The following LRRC7 variants were observed in gnomAD, a reference collection of about 807,000 sequenced individuals.
LRRC7 encodes the protein leucine rich repeat containing 7, also known as leucine-rich repeat-containing protein 7.
LRRC7 carries 23 observed loss-of-function variants against 175.7 expected under a neutral mutation model. The ratio of observed to expected loss-of-function variants is 0.13; its 90% CI spans 0.09 to 0.19. The LOEUF (loss-of-function observed/expected upper bound fraction) is 0.19, where lower values mean the gene tolerates loss of function less well. Ranked by LOEUF, LRRC7 falls within the 10% of genes least tolerant of loss-of-function variation. LRRC7 has a pLI of 1.00. For missense variants in LRRC7, 1,354 were observed against 1,904.7 expected, an observed-to-expected ratio of 0.71 and a Z score of 5.38; for synonymous variants, 685 against 680.9, an observed-to-expected ratio of 1.01 and a Z score of -0.09.
chr1:69,631,420 A>C (rs1773350), intron 1 of LRRC7, among the ~76,000 whole-genome samples: 19,488 of 152,036 alleles, frequency 0.13, 1,591 homozygotes, highest in South Asian at 0.19. Context: ...GCCATAGGAC[A>C]GCATCTCTCC....
At chr1:69,876,360 G>A (rs529978333) in intron 7 of LRRC7, among the ~76,000 whole-genome samples, 1 of 152,228 alleles carries the variant, frequency 6.6e-6, no homozygotes, top group East Asian at 1.9e-4. Context: ...GGCATAGTCA[G>A]TTTTATTTGT....
chr1:70,113,781 A>G (rs1665669411), intron 26 of LRRC7, among the ~76,000 whole-genome samples: 1 of 152,128 alleles, frequency 6.6e-6, no homozygotes, highest in African/African-American at 2.4e-5. Flanking sequence ...TTCATACTCT[A>G]TCCCTTGTTT....
intron 23 of LRRC7, among the ~76,000 whole-genome samples, chr1:70,062,397 T>C (rs981953020): frequency 6.6e-6 from 1 of 152,172 alleles, no homozygotes; most frequent in East Asian, 1.9e-4. Flanking sequence ...ATATACTCTT[T>C]TAAAACATAT....
intron 23 of LRRC7, among the ~76,000 whole-genome samples, chr1:70,057,875 T>C (rs1418337115): frequency 1.3e-5 from 2 of 152,082 alleles, no homozygotes; most frequent in Admixed American, 6.6e-5. Flanking sequence ...GTATCTATTG[T>C]CCCTGTCCTG....
intron 7 of LRRC7, among the ~76,000 whole-genome samples, chr1:69,928,856 T>G (rs753602702): frequency 6.6e-6 from 1 of 152,202 alleles, no homozygotes; most frequent in Non-Finnish European, 1.5e-5. Flanking sequence ...TGGGATGACC[T>G]TGGTACCTCA....
chr1:70,026,516 C>G (rs745725880), intron 17 of LRRC7, among the ~76,000 whole-genome samples: 44 of 152,116 alleles, frequency 2.9e-4, no homozygotes, highest in Non-Finnish European at 4.9e-4. Flanking sequence ...TCATATCATT[C>G]CTTTTATGTT....
At chr1:69,926,166 C>A (rs1647065889) in intron 7 of LRRC7, among the ~76,000 whole-genome samples, 1 of 147,332 alleles carries the variant, frequency 6.8e-6, no homozygotes, top group Non-Finnish European at 1.5e-5. Flanking sequence ...GTCTGAGAGA[C>A]AGTTTGTTAT....
intron 4 of LRRC7, among the ~76,000 whole-genome samples, chr1:69,803,123 G>T (rs540427810): frequency 6.6e-6 from 1 of 151,166 alleles, no homozygotes; most frequent in Non-Finnish European, 1.5e-5. Flanking sequence ...CTTATTTGCC[G>T]ATTCCTGTGC....
intron 2 of LRRC7, among the ~76,000 whole-genome samples, chr1:69,705,181 A>C (rs560918055): frequency 6.6e-6 from 1 of 152,290 alleles, no homozygotes; most frequent in East Asian, 1.9e-4. Context: ...CAGTGTTTAC[A>C]ACAACAAAAG....
intron 2 of LRRC7, among the ~76,000 whole-genome samples, chr1:69,721,334 C>T (rs1386192350): frequency 2.0e-5 from 3 of 151,958 alleles, no homozygotes; most frequent in African/African-American, 4.8e-5. Context: ...TAGTATAATA[C>T]GGAATAGTTT....
intron 1 of LRRC7, among the ~76,000 whole-genome samples, chr1:69,659,604 A>G (rs1290227277): frequency 2.6e-5 from 4 of 151,986 alleles, no homozygotes; most frequent in Admixed American, 2.6e-4. Context: ...GAATACAACC[A>G]TATACATTTA....
At chr1:69,911,669 G>A (rs1288456740) in intron 7 of LRRC7, among the ~76,000 whole-genome samples, 1 of 152,180 alleles carries the variant, frequency 6.6e-6, no homozygotes. Context: ...AAATTTGGAT[G>A]ATGACTATAT....
At chr1:70,073,953 C>A (rs980555802) in intron 23 of LRRC7, among the ~76,000 whole-genome samples, 2 of 152,220 alleles carry the variant, frequency 1.3e-5, no homozygotes, top group Non-Finnish European at 2.9e-5. Flanking sequence ...GTAATCCCAG[C>A]ACTTTGAGAG....
chr1:69,887,697 T>C (rs1303090721), intron 7 of LRRC7, among the ~76,000 whole-genome samples: 8 of 151,434 alleles, frequency 5.3e-5, no homozygotes, highest in Non-Finnish European at 7.4e-5. Context: ...AGGCACTCTG[T>C]GTTTTAGAGT....
chr1:69,916,697 A>T (rs1245568274), intron 7 of LRRC7, among the ~76,000 whole-genome samples: 1 of 152,088 alleles, frequency 6.6e-6, no homozygotes, highest in African/African-American at 2.4e-5. Context: ...GTAAAGAATC[A>T]TTCATTCATG....
At chr1:69,953,310 T>C (rs1157040040) in intron 8 of LRRC7, among the ~76,000 whole-genome samples, 3 of 152,078 alleles carry the variant, frequency 2.0e-5, no homozygotes, top group African/African-American at 7.2e-5. Context: ...GTAAATCTTA[T>C]CTTTTCCTCA....
intron 4 of LRRC7, among the ~76,000 whole-genome samples, chr1:69,809,009 C>A (rs1677479327): frequency 6.6e-6 from 1 of 151,768 alleles, no homozygotes; most frequent in African/African-American, 2.4e-5. Flanking sequence ...TTGAAAAGAT[C>A]AACAAAATAG....
intron 16 of LRRC7, among the ~76,000 whole-genome samples, chr1:70,021,710 A>C (rs1657520733): frequency 6.6e-6 from 1 of 152,182 alleles, no homozygotes; most frequent in Admixed American, 6.5e-5. Context: ...TTTACCTCAA[A>C]GTATGTTTTA....
intron 1 of LRRC7, among the ~76,000 whole-genome samples, chr1:69,600,758 T>C (rs1424090723): frequency 6.8e-6 from 1 of 146,842 alleles, no homozygotes; most frequent in African/African-American, 2.5e-5. Context: ...TATTTTCTGC[T>C]CCAATTTTAG....
Sources: allele counts gnomAD v4.1 joint callset (sites outside exome capture counted in the v4.1 genomes callset), GRCh38; gene constraint gnomAD v4.1.1; transcripts MANE v1.5; gene names NCBI Gene and HGNC (gene_info 2026-07-23, HGNC 2026-07-21).